The following COL17A1 variants were observed in gnomAD, a reference collection of about 807,000 sequenced individuals.
COL17A1 encodes the protein collagen alpha-1(XVII) chain.
Under a neutral mutation model 218.4 loss-of-function variants are expected in COL17A1, and 181 were observed. The observed-to-expected ratio is 0.83, with a 90% CI of 0.73 to 0.94. The LOEUF (loss-of-function observed/expected upper bound fraction) is 0.94, where lower values mean the gene tolerates loss of function less well. Among genes scored for constraint, COL17A1 ranks in the 40% least tolerant of loss-of-function variants. The pLI, the probability that COL17A1 is intolerant of heterozygous loss-of-function variation, is 0.00. For synonymous variants in COL17A1, 721 were observed against 731.0 expected (o/e 0.99, Z 0.22); for missense variants, 1,924 against 1,945.9 (o/e 0.99, Z 0.21).
intron 31 of COL17A1, 107 bp downstream of exon 31, chr10:104,047,632 A>C: frequency 2.1e-6 from 2 of 937,492 alleles, no homozygotes; most frequent in Admixed American, 1.9e-5. Context: ...CCCTTCCCCC[A>C]CAACCTGCAC....
intron 3 of COL17A1, 104 bp from the exon 4 acceptor site, chr10:104,077,630 T>C: frequency 1.1e-6 from 1 of 903,880 alleles, no homozygotes; most frequent in East Asian, 2.6e-5. Flanking sequence ...CACCAGGACC[T>C]TCTTAGTTTG....
intron 18 of COL17A1, 80 bp from the exon 19 acceptor site, chr10:104,055,481 C>A (rs532886117): frequency 7.3e-6 from 11 of 1,498,032 alleles, no homozygotes; most frequent in African/African-American, 5.7e-5. Flanking sequence ...CACACACACA[C>A]AATAAGGGGA....
chr10:104,043,453 C>T (rs765471743), intron 35 of COL17A1, 48 bp downstream of exon 35: 92 of 1,527,214 alleles, frequency 6.0e-5, no homozygotes, highest in Admixed American at 8.5e-5. Flanking sequence ...GAGTCACTAC[C>T]GCCAAGACCT....
In COL17A1 at chr10:104,055,967, T is replaced by A; in HGVS notation, c.1502A>T (p.Glu501Val). ...EVRKLKARVDELERIRRSILP... is the reference protein window; with the variant it reads ...EVRKLKARVDVLERIRRSILP... The stretch of plus-strand genomic sequence containing the variant: ...TATGCTCCTCCTGATCCTCTCCAGC[T>A]CATCCACACGCGCCTTCAGCTTCCT... The change falls in exon 18 of 56, where the codon GAG (glutamate) becomes GTG (valine). Residue 501 changes from glutamate (E) to valine (V), a missense_variant. By Grantham distance (121) the Glu-to-Val change is moderately radical (BLOSUM62 -2). Transcript: ENST00000648076. 6.2e-7 allele frequency: 1 copy of A among 1,614,164 alleles called. No individual in the cohort carries two copies. Among genetic ancestry groups the A allele is most frequent in the Non-Finnish European group, 8.5e-7 (1 of 1,180,028 alleles).
In COL17A1 at chr10:104,061,380, C is replaced by T. The variant is rs1427292570; in HGVS notation, c.979+25G>A. 1.9e-6 allele frequency: 3 copies of T among 1,609,716 alleles called. No homozygotes were observed. In the Admixed American group the frequency reaches 5.0e-5, roughly 27 times the overall value. Reference sequence around the variant, plus strand: ...ATCCTCCCTGTGCACCAGCCTGAACCCTGGCAGCTGGGAGCAGCACTCACC... The same window carrying T: ...ATCCTCCCTGTGCACCAGCCTGAACTCTGGCAGCTGGGAGCAGCACTCACC... On this transcript the variant is annotated intron_variant, in intron 13 of 55. Transcript: ENST00000648076.
At chr10:104,069,524 G>A (rs926544738) in intron 9 of COL17A1, among the ~76,000 whole-genome samples, 1 of 152,146 alleles carries the variant, frequency 6.6e-6, no homozygotes, top group African/African-American at 2.4e-5. Flanking sequence ...TGCCTCGAAT[G>A]TCTCCCAGTA....
intron 14 of COL17A1, 100 bp downstream of exon 14, chr10:104,060,019 T>A: frequency 6.4e-7 from 1 of 1,573,002 alleles, no homozygotes; most frequent in Non-Finnish European, 8.6e-7. Context: ...TGGCTATGGT[T>A]TCATGACTCA....
chr10:104,078,820 A>G (rs960924537), intron 2 of COL17A1, among the ~76,000 whole-genome samples: 14 of 152,242 alleles, frequency 9.2e-5, no homozygotes, highest in African/African-American at 3.1e-4. Flanking sequence ...AGCCAAAAGA[A>G]GTTATGCACT....
chr10:104,039,616 G>A lies in COL17A1; in HGVS notation c.2813C>T (p.Ser938Leu), dbSNP rs752136233. Residue 938 changes from serine (S) to leucine (L), a missense_variant, in exon 42 of 56, where the codon TCA becomes TTA. Physicochemically the swap from Ser to Leu is moderately radical, Grantham distance 145. Transcript: ENST00000648076. The part of the protein sequence containing the change: ...HQGEQGLPGF[S>L]TSGSSSFGLN... ...CGGGGTTCAGCCCTTACCTGAGGTT[G>A]AGAAACCTGGGAGGCCTTGCTCGCC... 3 of 1,614,040 alleles carry A rather than the reference G, an allele frequency of 1.9e-6. No homozygotes were observed. In the African/African-American group the frequency reaches 4.0e-5, roughly 22 times the overall value.
chr10:104,051,525 G>A lies in COL17A1; in HGVS notation c.2003-9C>T. On this transcript the variant is annotated splice_polypyrimidine_tract_variant and intron_variant, in intron 24 of 55. Coordinates refer to ENST00000648076, the MANE Select transcript of COL17A1 (RefSeq NM_000494.4). ...AGGAGAGCCGCTGGAACCTGAGAAG[G>A]AGGACAAGACAGCAATCAGCAGAGG... is the stretch of plus-strand genomic sequence containing the variant. The A allele has an allele frequency of 2.5e-6, 4 of 1,614,026 alleles. No homozygotes were observed. Among genetic ancestry groups the A allele is most frequent in the Non-Finnish European group, 3.4e-6 (4 of 1,180,034 alleles).
At chr10:104,048,167 TA>T (rs760163449) in intron 29 of COL17A1, 63 bp from the exon 30 acceptor site, 189 of 1,576,308 alleles carry the variant, frequency 1.2e-4, no homozygotes, top group Non-Finnish European at 1.6e-4. Flanking sequence ...TTCCTCCCTC[TA>T]CTGTCCCAGT....
At chr10:104,056,203 T>G (rs888804986) in intron 17 of COL17A1, among the ~76,000 whole-genome samples, 200 bp from the exon 18 acceptor site, 2 of 152,164 alleles carry the variant, frequency 1.3e-5, no homozygotes, top group African/African-American at 4.8e-5. Context: ...TAAAGAAACC[T>G]GGCCTGGGAG....
chr10:104,076,550 G>C, intron 4 of COL17A1, 121 bp from the exon 5 acceptor site: 2 of 1,313,718 alleles, frequency 1.5e-6, no homozygotes, highest in Non-Finnish European at 2.2e-6. Context: ...GGGCACAGCT[G>C]AAAGGGGCCA....
rs1327083102 is a variant in COL17A1, at chr10:104,034,264, G to T, written c.3837C>A (p.Ser1279Arg). ...GGGAGGCATCCGTGGACAGGAGGCGGCTGTCCCCAGGGGGTCCCTGCGGCC... is the reference window on the plus strand; with the variant it reads ...GGGAGGCATCCGTGGACAGGAGGCGTCTGTCCCCAGGGGGTCCCTGCGGCC... ...PPGPQGPPGD[S>R]RLLSTDASHS... Residue 1279 changes from serine (S) to arginine (R), a missense_variant, in exon 52 of 56, where the codon AGC becomes AGA. Physicochemically the swap from Ser to Arg is moderately radical, Grantham distance 110. Coordinates refer to ENST00000648076, the MANE Select transcript of COL17A1 (RefSeq NM_000494.4). 1.9e-6 allele frequency: 3 copies of T among 1,602,274 alleles called. No individual in the cohort carries two copies. Among genetic ancestry groups the T allele is most frequent in the African/African-American group, 2.7e-5 (2 of 74,822 alleles).
Position 104,039,603 on chromosome 10 carries a change from C to T in COL17A1, c.2821+5G>A, listed in dbSNP as rs2086337551. 6.2e-7 allele frequency: 1 copy of T among 1,614,046 alleles called. No individual in the cohort carries two copies. Among genetic ancestry groups the T allele is most frequent in the South Asian group, 1.1e-5 (1 of 91,094 alleles). On this transcript the variant is annotated splice_donor_5th_base_variant and intron_variant, in intron 42 of 55. Transcript: ENST00000648076. ...AGCCAGAATGGGGCGGGGTTCAGCC[C>T]TTACCTGAGGTTGAGAAACCTGGGA...
rs115540932 is a variant in COL17A1 at position 104,038,388 on chromosome 10, C to T, written c.3070+18G>A. On this transcript the variant is annotated intron_variant, in intron 45 of 55. Transcript: ENST00000648076. ...TCCATGTTCTTGTCCCCACGGCTTGCGGCGGCCAGCTACTCACTCTGCATG... is the reference window on the plus strand; with the variant it reads ...TCCATGTTCTTGTCCCCACGGCTTGTGGCGGCCAGCTACTCACTCTGCATG... The T allele has an allele frequency of 3.4e-4, 554 of 1,613,320 alleles. 2 individuals are homozygous for T. In the African/African-American group the frequency reaches 6.4e-3, roughly 19 times the overall value.
intron 17 of COL17A1, among the ~76,000 whole-genome samples, chr10:104,056,586 A>T: frequency 6.6e-6 from 1 of 152,130 alleles, no homozygotes. Flanking sequence ...CGTCTCAAAA[A>T]AAAAAAAGAA....
rs916849803 is a variant in COL17A1 at position 104,032,674 on chromosome 10, C to T, written c.4438G>A (p.Gly1480Ser). ...AAAACGTGGAGCAGTCAACACTTAC[C>T]TTTGTCTCCTTTTTCTCCCTTGTGT... The part of the protein sequence containing the change: ...RGHKGEKGDK[G>S]DQVYAGRRRR... The change falls in exon 55 of 56, where the codon GGT becomes AGT. Residue 1480 changes from glycine to serine, a missense_variant and splice_region_variant. Gly to Ser is a moderately conservative substitution (Grantham distance 56). Transcript: ENST00000648076. The T allele has an allele frequency of 6.2e-7, 1 of 1,613,976 alleles. No individual in the cohort carries two copies. Among genetic ancestry groups the T allele is most frequent in the Non-Finnish European group, 8.5e-7 (1 of 1,179,906 alleles).
chr10:104,043,938 T>C, intron 33 of COL17A1, 78 bp from the exon 34 acceptor site: 1 of 1,522,344 alleles, frequency 6.6e-7, no homozygotes, highest in Non-Finnish European at 9.1e-7. Context: ...TCAAGGCTTC[T>C]GATTGCATTT....
Sources: allele counts gnomAD v4.1 joint callset (sites outside exome capture counted in the v4.1 genomes callset), GRCh38; gene constraint gnomAD v4.1.1; transcripts MANE v1.5; gene names NCBI Gene and HGNC (gene_info 2026-07-23, HGNC 2026-07-21).